The following CALN1 variants were observed in gnomAD, a reference collection of about 807,000 sequenced individuals.
CALN1 encodes calcium-binding protein 8.
Under a neutral mutation model 30.6 loss-of-function variants are expected in CALN1, and 17 were observed. The ratio of observed to expected loss-of-function variants is 0.56; its 90% CI spans 0.38 to 0.83. CALN1 has a LOEUF of 0.83. CALN1 is among the 40% of genes least tolerant of loss of function. The pLI is 0.00. For missense variants in CALN1, 291 were observed against 354.9 expected (o/e 0.82, Z 1.45); for synonymous variants, 156 against 131.4 (o/e 1.19, Z -1.28).
intron 5 of CALN1, among the ~76,000 whole-genome samples, chr7:71,975,469 C>T (rs1035437901): frequency 2.6e-5 from 4 of 151,946 alleles, no homozygotes; most frequent in African/African-American, 7.3e-5. Context: ...TTCTGTTGCC[C>T]GGGCTAGAGT....
intron 4 of CALN1, among the ~76,000 whole-genome samples, chr7:72,064,834 A>G (rs770788589): frequency 3.3e-5 from 5 of 152,020 alleles, no homozygotes; most frequent in Non-Finnish European, 7.4e-5. Flanking sequence ...CTCAACTTGC[A>G]TAGCTTTTAT....
Position 72,435,425 on chromosome 7 carries a change from T to C in CALN1, c.-226+11617A>G, listed in dbSNP as rs1467391844. On this transcript the variant is annotated intron_variant, in intron 1 of 6. Transcript: ENST00000395276. ...GAAGACTAGAGACGGTGAGTAACTG[T>C]GCCTCCTAAGTGTAAACACTGGAGA... is the stretch of plus-strand genomic sequence containing the variant. Among the ~76,000 whole-genome samples, 4 of 152,268 alleles carry C rather than the reference T, an allele frequency of 2.6e-5. No individual in the cohort carries two copies. The East Asian group carries it at 7.7e-4, about 29-fold the overall frequency.
chr7:72,351,095 C>A (rs185704100), intron 2 of CALN1, among the ~76,000 whole-genome samples: 1 of 152,254 alleles, frequency 6.6e-6, no homozygotes, highest in African/African-American at 2.4e-5. Flanking sequence ...GAGCCAAGAT[C>A]ACGCCATTGC....
intron 2 of CALN1, among the ~76,000 whole-genome samples, chr7:72,295,302 A>T (rs114454003): frequency 6.6e-6 from 1 of 152,178 alleles, no homozygotes; most frequent in Non-Finnish European, 1.5e-5. Flanking sequence ...ACTTATTTTT[A>T]AAAATAACAA....
At chr7:72,325,462 G>A (rs115241931) in intron 2 of CALN1, among the ~76,000 whole-genome samples, 4,230 of 152,156 alleles carry the variant, frequency 0.028, 126 homozygotes, top group African/African-American at 0.072. Flanking sequence ...TGAGCCGGGC[G>A]TGGTGGTGAG....
intron 5 of CALN1, among the ~76,000 whole-genome samples, chr7:71,947,850 G>A (rs1197717750): frequency 6.7e-6 from 1 of 150,286 alleles, no homozygotes; most frequent in Non-Finnish European, 1.5e-5. Flanking sequence ...TGAGGAAGGA[G>A]AATTACTTGA....
chr7:71,860,942 G>A (rs1185220807), intron 5 of CALN1, among the ~76,000 whole-genome samples: 2 of 152,136 alleles, frequency 1.3e-5, no homozygotes, highest in Non-Finnish European at 2.9e-5. Context: ...CTGTGATCAG[G>A]AGACCAACGA....
At chr7:72,483,148 T>A in the CALN1 span, among the ~76,000 whole-genome samples, 4 of 152,104 alleles carry the variant, frequency 2.6e-5, no homozygotes, top group East Asian at 5.8e-4. Flanking sequence ...GCTTTTAAAA[T>A]TTTTTTTAAT....
At chr7:71,927,245 T>G (rs1480419305) in intron 5 of CALN1, among the ~76,000 whole-genome samples, 1 of 152,208 alleles carries the variant, frequency 6.6e-6, no homozygotes, top group Admixed American at 6.5e-5. Flanking sequence ...AGTCTCACTC[T>G]GTTGCCCAGG....
At position 72,053,871 on chromosome 7, in the gene CALN1, C is replaced by A. The variant is rs191559901; in HGVS notation, c.389-30102G>T. Among the ~76,000 whole-genome samples the A allele has an allele frequency of 2.0e-5, 3 of 148,920 alleles. No homozygotes were observed. The Admixed American group carries it at 2.0e-4, about 10-fold the overall frequency. ...TCCTCATAGCTTAGCTCTTACGTATCGGTGAGAACATACGATGCTTAGTCT... is the reference window on the plus strand; with the variant it reads ...TCCTCATAGCTTAGCTCTTACGTATAGGTGAGAACATACGATGCTTAGTCT... On this transcript the variant is annotated intron_variant, in intron 4 of 6. Transcript: ENST00000395275.
At chr7:72,307,638 A>G (rs1799741807) in intron 2 of CALN1, among the ~76,000 whole-genome samples, 1 of 152,226 alleles carries the variant, frequency 6.6e-6, no homozygotes, top group Non-Finnish European at 1.5e-5. Context: ...AAGACAGCAG[A>G]GTAGGGACTA....
At chr7:72,337,246 G>T (rs1440907200) in intron 2 of CALN1, 1 of 985,122 alleles carries the variant, frequency 1.0e-6, no homozygotes, top group Non-Finnish European at 1.2e-6. Context: ...TCCTCGCTCT[G>T]CCGGCGCCCG....
Position 72,054,464 on chromosome 7 carries a change from TATAC to T in CALN1, c.389-30699_389-30696del, listed in dbSNP as rs1362738847. Among the ~76,000 whole-genome samples, 3 of 126,184 alleles carry T rather than the reference TATAC, an allele frequency of 2.4e-5. 1 individual carries two copies. Among genetic ancestry groups the T allele is most frequent in the Non-Finnish European group, 5.0e-5 (3 of 59,598 alleles). The allele number at this position is 126,184 out of a possible 152,430, so 82.8% of individuals were successfully genotyped here. On this transcript the variant is annotated intron_variant, in intron 4 of 6. Transcript: ENST00000395275. ...ATATATATACATATATATACATATA[TATAC>T]ATATATACATACATATATATATACA...
chr7:71,899,247 G>T (rs901950618), intron 5 of CALN1, among the ~76,000 whole-genome samples: 9 of 151,384 alleles, frequency 5.9e-5, no homozygotes, highest in Non-Finnish European at 8.8e-5. Context: ...GGGTTCAAGC[G>T]ATTCTCCTGC....
intron 2 of CALN1, among the ~76,000 whole-genome samples, chr7:72,387,535 T>A (rs1805308344): frequency 6.6e-6 from 1 of 152,162 alleles, no homozygotes; most frequent in South Asian, 2.1e-4. Flanking sequence ...ACAGTCATGT[T>A]GACAGTGTAA....
chr7:71,994,464 A>G (rs1277908095), intron 5 of CALN1, among the ~76,000 whole-genome samples: 1 of 146,820 alleles, frequency 6.8e-6, no homozygotes, highest in African/African-American at 2.6e-5. Context: ...GTGAGCCGAG[A>G]TCGTGCCACT....
chr7:72,398,035 A>G (rs753396733), intron 2 of CALN1, among the ~76,000 whole-genome samples: 15 of 152,068 alleles, frequency 9.9e-5, no homozygotes, highest in Non-Finnish European at 2.1e-4. Flanking sequence ...CATTGTGGGG[A>G]AGTAGGACCA....
At chr7:72,169,894 T>C (rs1008376048) in intron 3 of CALN1, among the ~76,000 whole-genome samples, 5 of 152,118 alleles carry the variant, frequency 3.3e-5, no homozygotes, top group African/African-American at 9.7e-5. Context: ...GGTGTTGCCA[T>C]ATTGGCCAGG....
intron 3 of CALN1, among the ~76,000 whole-genome samples, chr7:72,157,736 AGTTTGTTT>A (rs573723675): frequency 1.3e-5 from 2 of 151,800 alleles, no homozygotes; most frequent in African/African-American, 2.4e-5. Context: ...TTAGTCAGTT[AGTTTGTTT>A]GTTTGTTTGT....
Sources: allele counts gnomAD v4.1 joint callset (sites outside exome capture counted in the v4.1 genomes callset), GRCh38; gene constraint gnomAD v4.1.1; transcripts MANE v1.5; gene names NCBI Gene and HGNC (gene_info 2026-07-23, HGNC 2026-07-21).